The following NHEJ1 variants were observed in gnomAD, a reference collection of about 807,000 sequenced individuals.
NHEJ1 encodes the protein non-homologous end-joining factor 1.
In NHEJ1, 22 loss-of-function variants were observed where a neutral mutation model predicts 39.4. The ratio of observed to expected loss-of-function variants is 0.56; its 90% CI spans 0.40 to 0.80. The LOEUF is 0.80. Among genes scored for constraint, NHEJ1 ranks in the 30% least tolerant of loss-of-function variants. The pLI, the probability that NHEJ1 is intolerant of heterozygous loss-of-function variation, is 0.00. For synonymous variants in NHEJ1, 154 were observed against 135.6 expected (o/e 1.14, Z -0.94); for missense variants, 329 against 357.1 (o/e 0.92, Z 0.63).
chr2:219,121,792 C>T (rs1001577080), intron 5 of NHEJ1, among the ~76,000 whole-genome samples: 2 of 151,548 alleles, frequency 1.3e-5, no homozygotes, highest in African/African-American at 2.4e-5. Context: ...CACCACCACA[C>T]TCCAGCCTGG....
Position 219,159,564 on chromosome 2 carries a change from CATATATATATGCAT to C in NHEJ1, c.-1+1142_-1+1155del, listed in dbSNP as rs1339287392. Among the ~76,000 whole-genome samples the C allele has an allele frequency of 3.4e-3, 211 of 61,754 alleles. 19 individuals are homozygous for C. Among genetic ancestry groups the C allele is most frequent in the African/African-American group, 7.4e-3 (90 of 12,146 alleles). The allele number at this position is 61,754 out of a possible 152,430, so 40.5% of individuals were successfully genotyped here. On this transcript the variant is annotated intron_variant, in intron 1 of 7. Transcript: ENST00000356853. ...ATATATATATATGCATATATATATGCATATATATATGCATATATATATGCATATATATATATGCA... is the reference window on the plus strand; with the variant it reads ...ATATATATATATGCATATATATATGCATATATATGCATATATATATATGCA...
chr2:219,139,880 C>T (rs548663312), intron 5 of NHEJ1, among the ~76,000 whole-genome samples: 19 of 152,300 alleles, frequency 1.2e-4, no homozygotes, highest in East Asian at 9.7e-4. Context: ...AGGGTTTCAC[C>T]GTGTTAGCCA....
In NHEJ1 at chr2:219,073,470, C is replaced by G. The variant is rs1042717434; in HGVS notation, c.*2911G>C. 1.3e-5 allele frequency among the ~76,000 whole-genome samples: 2 copies of G among 152,140 alleles called. No homozygotes were observed. Among genetic ancestry groups the G allele is most frequent in the African/African-American group, 2.4e-5 (1 of 41,418 alleles). ...GAGGCATGAGAAAAGGAGGTGCTAC[C>G]CAGCTAGAGTGGAAAGGGATGAGGC... On this transcript the variant is annotated 3_prime_UTR_variant, in exon 8 of 8. Transcript: ENST00000356853.
At chr2:219,140,960 C>G (rs1169699357) in intron 5 of NHEJ1, among the ~76,000 whole-genome samples, 1 of 152,008 alleles carries the variant, frequency 6.6e-6, no homozygotes, top group Non-Finnish European at 1.5e-5. Flanking sequence ...GGACTCTGAG[C>G]AAAAAGTGTC....
At chr2:219,117,078 C>G (rs951172283) in intron 5 of NHEJ1, among the ~76,000 whole-genome samples, 2 of 152,092 alleles carry the variant, frequency 1.3e-5, no homozygotes, top group Admixed American at 1.3e-4. Flanking sequence ...CTCGGCTTCA[C>G]CACCCTGCCC....
At chr2:219,145,662 A>G (rs1272040928) in intron 5 of NHEJ1, among the ~76,000 whole-genome samples, 5 of 152,200 alleles carry the variant, frequency 3.3e-5, no homozygotes, top group African/African-American at 1.2e-4. Flanking sequence ...GGCCGGGCGC[A>G]GTGGCTCACA....
At chr2:219,083,806 A>G (rs1949087835) in intron 5 of NHEJ1, among the ~76,000 whole-genome samples, 1 of 152,194 alleles carries the variant, frequency 6.6e-6, no homozygotes, top group East Asian at 1.9e-4. Flanking sequence ...AGTGGACTCA[A>G]GAAGTGCCCT....
chr2:219,153,993 G>A (rs1011297139), intron 3 of NHEJ1, among the ~76,000 whole-genome samples: 1 of 152,122 alleles, frequency 6.6e-6, no homozygotes, highest in Non-Finnish European at 1.5e-5. Flanking sequence ...TTACATGCAG[G>A]AAAAGTAAAT....
At position 219,110,830 on chromosome 2, in the gene NHEJ1, C is replaced by T. The variant is rs377056307; in HGVS notation, c.589-32624G>A. 3.9e-5 allele frequency among the ~76,000 whole-genome samples: 6 copies of T among 152,182 alleles called. No individual in the cohort carries two copies. In the South Asian group the frequency reaches 6.2e-4, roughly 16 times the overall value. On this transcript the variant is annotated intron_variant, in intron 5 of 7. Coordinates refer to ENST00000356853, the MANE Select transcript of NHEJ1 (RefSeq NM_024782.3). ...CAAGAAACAGGAAGGAGGCGGCCACCGTGGATGGAGTCCATATGCTACTGT... is the reference window on the plus strand; with the variant it reads ...CAAGAAACAGGAAGGAGGCGGCCACTGTGGATGGAGTCCATATGCTACTGT...
chr2:219,157,949 T>C (rs568236136), intron 2 of NHEJ1, among the ~76,000 whole-genome samples: 10 of 150,984 alleles, frequency 6.6e-5, no homozygotes, highest in African/African-American at 1.2e-4. Context: ...TTATCATGCA[T>C]AGGGTAGGGA....
chr2:219,121,466 C>A (rs79615903), intron 5 of NHEJ1, among the ~76,000 whole-genome samples: 4,022 of 152,178 alleles, frequency 0.026, 117 homozygotes, highest in Non-Finnish European at 0.035. Flanking sequence ...CTTATTTATC[C>A]TATGTCCACC....
At position 219,078,209 on chromosome 2, in the gene NHEJ1, G is replaced by A. The variant is rs1483932823; in HGVS notation, c.589-3C>T. The A allele has an allele frequency of 1.2e-6, 2 of 1,610,542 alleles. No individual in the cohort carries two copies. Among genetic ancestry groups the A allele is most frequent in the African/African-American group, 1.3e-5 (1 of 74,990 alleles). ...ATGCTGCATGCCTCTGGCAGTTTCT[G>A]TAAGAGAGAGGAGATACTGTCATTG... On this transcript the variant is annotated splice_region_variant and splice_polypyrimidine_tract_variant and intron_variant, in intron 5 of 7. Coordinates refer to ENST00000356853, the MANE Select transcript of NHEJ1 (RefSeq NM_024782.3).
chr2:219,098,226 T>G (rs1435602125), intron 5 of NHEJ1, among the ~76,000 whole-genome samples: 1 of 152,148 alleles, frequency 6.6e-6, no homozygotes, highest in African/African-American at 2.4e-5. Context: ...AAGATCACAG[T>G]AAAAATAGAC....
intron 5 of NHEJ1, among the ~76,000 whole-genome samples, chr2:219,112,288 T>C (rs1316365482): frequency 6.6e-6 from 1 of 152,212 alleles, no homozygotes; most frequent in Non-Finnish European, 1.5e-5. Context: ...TTACTTGCTA[T>C]GTTACCTTGG....
chr2:219,076,851 G>C (rs1234993086), intron 7 of NHEJ1, among the ~76,000 whole-genome samples: 1 of 152,146 alleles, frequency 6.6e-6, no homozygotes, highest in Non-Finnish European at 1.5e-5. Context: ...CAAAGAGGAG[G>C]CATTCAGGAA....
chr2:219,146,501 T>C (rs1017434264), intron 5 of NHEJ1, among the ~76,000 whole-genome samples, 179 bp downstream of exon 5: 1 of 152,214 alleles, frequency 6.6e-6, no homozygotes, highest in Non-Finnish European at 1.5e-5. Flanking sequence ...TTCCCCGTTT[T>C]TTCCCTCATC....
chr2:219,124,808 C>T (rs1016047907), intron 5 of NHEJ1: 1 of 151,940 alleles, frequency 6.6e-6, no homozygotes, highest in Non-Finnish European at 1.5e-5. Context: ...AGACTATAAA[C>T]AGAACAAATA....
At chr2:219,088,973 T>C (rs1949136504) in intron 5 of NHEJ1, among the ~76,000 whole-genome samples, 3 of 151,946 alleles carry the variant, frequency 2.0e-5, no homozygotes, top group Non-Finnish European at 4.4e-5. Flanking sequence ...CCACCACACC[T>C]GGCTAATTTT....
intron 3 of NHEJ1, among the ~76,000 whole-genome samples, chr2:219,155,473 A>G (rs1949845121): frequency 6.6e-6 from 1 of 151,622 alleles, no homozygotes; most frequent in Non-Finnish European, 1.5e-5. Flanking sequence ...TTATTTATGT[A>G]TTTTTATTTG....
Sources: allele counts gnomAD v4.1 joint callset (sites outside exome capture counted in the v4.1 genomes callset), GRCh38; gene constraint gnomAD v4.1.1; transcripts MANE v1.5; gene names NCBI Gene and HGNC (gene_info 2026-07-23, HGNC 2026-07-21).